The following MGAT4C variants were observed in gnomAD, a reference collection of about 807,000 sequenced individuals.
MGAT4C encodes the protein alpha-1,3-mannosyl-glycoprotein 4-beta-N-acetylglucosaminyltransferase C.
MGAT4C carries 19 observed loss-of-function variants against 40.1 expected under a neutral mutation model. That is an observed-to-expected ratio of 0.47 (90% CI 0.33 to 0.70). MGAT4C has a LOEUF of 0.70. Ranked by LOEUF, MGAT4C falls within the 30% of genes least tolerant of loss-of-function variation. MGAT4C has a pLI of 0.02. For synonymous variants in MGAT4C, 181 were observed against 187.1 expected, an observed-to-expected ratio of 0.97 and a Z score of 0.27; for missense variants, 491 against 563.2, an observed-to-expected ratio of 0.87 and a Z score of 1.30.
chr12:86,373,314 T>G (rs1955758106), intron 3 of MGAT4C, among the ~76,000 whole-genome samples: 1 of 151,980 alleles, frequency 6.6e-6, no homozygotes, highest in Non-Finnish European at 1.5e-5. Context: ...TTAACAAAAC[T>G]GATCCATCTT....
At chr12:86,311,225 T>C (rs1468204083) in intron 4 of MGAT4C, among the ~76,000 whole-genome samples, 1 of 152,210 alleles carries the variant, frequency 6.6e-6, no homozygotes, top group South Asian at 2.1e-4. Flanking sequence ...CTAGGCTATA[T>C]GGGATAGCCT....
intron 2 of MGAT4C, among the ~76,000 whole-genome samples, chr12:86,532,529 G>C (rs1959002592): frequency 6.6e-6 from 1 of 151,884 alleles, no homozygotes; most frequent in Non-Finnish European, 1.5e-5. Context: ...AGACAATGTT[G>C]GTGAGTTAAA....
intron 2 of MGAT4C, among the ~76,000 whole-genome samples, chr12:86,529,950 G>T (rs1565828824): frequency 6.6e-6 from 1 of 151,878 alleles, no homozygotes; most frequent in Non-Finnish European, 1.5e-5. Context: ...TACTTAAAAT[G>T]CCAAATAAAA....
At chr12:86,571,971 A>G (rs1168955841) in intron 2 of MGAT4C, among the ~76,000 whole-genome samples, 2 of 152,142 alleles carry the variant, frequency 1.3e-5, no homozygotes, top group Non-Finnish European at 2.9e-5. Flanking sequence ...TTTTACTTTT[A>G]TCAATAAAAT....
chr12:86,173,816 G>A lies in MGAT4C; in HGVS notation c.-57+82423C>T, dbSNP rs546005915. On this transcript the variant is annotated intron_variant, in intron 1 of 4. Coordinates refer to ENST00000611864, the MANE Select transcript of MGAT4C (RefSeq NM_001351288.2). ...TATATTTCTAATATGTGTCTTTTTCGCATTCATGACTTTACATTTCATTTT... is the reference window on the plus strand; with the variant it reads ...TATATTTCTAATATGTGTCTTTTTCACATTCATGACTTTACATTTCATTTT... 4.6e-5 allele frequency among the ~76,000 whole-genome samples: 7 copies of A among 151,902 alleles called. No individual in the cohort carries two copies. The South Asian group carries it at 6.2e-4, about 14-fold the overall frequency.
intron 1 of MGAT4C, among the ~76,000 whole-genome samples, chr12:86,733,657 T>A (rs1413193495): frequency 2.0e-5 from 3 of 152,116 alleles, no homozygotes; most frequent in African/African-American, 7.2e-5. Context: ...GAAGGCTGAT[T>A]CCCAGATGCC....
rs541463836 is a variant in MGAT4C at position 86,785,551 on chromosome 12, G to T, written c.-262+53115C>A. Among the ~76,000 whole-genome samples the T allele has an allele frequency of 1.1e-3, 160 of 151,842 alleles. 1 individual carries two copies. Among genetic ancestry groups the T allele is most frequent in the African/African-American group, 3.7e-3 (154 of 41,490 alleles). ...ACAAAGCACAATTTTCTGGAATATG[G>T]AACAAATTAAAACCTTTTTTATGTT... On this transcript the variant is annotated intron_variant, in intron 1 of 7. Transcript: ENST00000548651.
At chr12:86,280,318 T>G (rs1249461128) in intron 4 of MGAT4C, among the ~76,000 whole-genome samples, 1 of 151,964 alleles carries the variant, frequency 6.6e-6, no homozygotes, top group Non-Finnish European at 1.5e-5. Flanking sequence ...ATCTACGTTC[T>G]CCAGTGTTGG....
chr12:86,552,701 T>C (rs1438633353), intron 2 of MGAT4C, among the ~76,000 whole-genome samples: 1 of 151,996 alleles, frequency 6.6e-6, no homozygotes, highest in Non-Finnish European at 1.5e-5. Context: ...ATAAATAGAA[T>C]TAGGAAGGTA....
chr12:86,309,085 A>G (rs1349170572), intron 4 of MGAT4C, among the ~76,000 whole-genome samples: 1 of 150,716 alleles, frequency 6.6e-6, no homozygotes, highest in African/African-American at 2.5e-5. Flanking sequence ...TTCTCATTTT[A>G]TCAGTTGCTA....
intron 2 of MGAT4C, among the ~76,000 whole-genome samples, chr12:85,990,160 T>C (rs1475530131): frequency 6.6e-6 from 1 of 152,134 alleles, no homozygotes; most frequent in South Asian, 2.1e-4. Flanking sequence ...GTGAATCCTA[T>C]AGTATTATAT....
intron 1 of MGAT4C, among the ~76,000 whole-genome samples, chr12:86,795,503 T>A (rs535536281): frequency 1.7e-4 from 26 of 152,058 alleles, no homozygotes; most frequent in Non-Finnish European, 2.5e-4. Context: ...CATCAGGTTT[T>A]AAAATTCAGC....
chr12:86,174,813 T>C (rs142962248), intron 1 of MGAT4C, among the ~76,000 whole-genome samples: 526 of 152,298 alleles, frequency 3.5e-3, no homozygotes, highest in African/African-American at 0.012. Flanking sequence ...CATTATTTGG[T>C]ACTCACTCGT....
chr12:86,433,745 G>T (rs557736860), intron 3 of MGAT4C, among the ~76,000 whole-genome samples: 116 of 152,030 alleles, frequency 7.6e-4, no homozygotes, highest in African/African-American at 2.6e-3. Context: ...TTAAGCTCGT[G>T]CATTAAAGCA....
In MGAT4C at chr12:85,965,715, C is replaced by G. The variant is rs1883332173; in HGVS notation, c.*13574G>C. The G allele has an allele frequency of 6.7e-6, 1 of 149,424 alleles. No individual in the cohort carries two copies. Among genetic ancestry groups the G allele is most frequent in the South Asian group, 2.1e-4 (1 of 4,726 alleles). 9.3% of individuals were successfully genotyped at this position (149,424 alleles called of 1,614,324 possible). A position where few individuals can be genotyped will look rare whatever the true frequency, so the allele number is the denominator to read the frequency against. ...ATGAAGTGATCAATTGAATTTGAAA[C>G]AGAACTTTTCCTAGCTTCTAAATGA... On this transcript the variant is annotated 3_prime_UTR_variant, in exon 5 of 5. Coordinates refer to ENST00000611864, the MANE Select transcript of MGAT4C (RefSeq NM_001351288.2).
At chr12:86,686,536 T>C (rs925222539) in intron 2 of MGAT4C, among the ~76,000 whole-genome samples, 1 of 152,230 alleles carries the variant, frequency 6.6e-6, no homozygotes, top group Non-Finnish European at 1.5e-5. Flanking sequence ...TGAGTGTTTT[T>C]AGCATGAAGT....
chr12:86,242,839 A>G (rs1951847341), intron 1 of MGAT4C, among the ~76,000 whole-genome samples: 2 of 152,190 alleles, frequency 1.3e-5, no homozygotes, highest in Admixed American at 6.5e-5. Flanking sequence ...CCAGCTCCCT[A>G]TGGGCTCTAA....
intron 1 of MGAT4C, among the ~76,000 whole-genome samples, chr12:86,744,045 T>C (rs538418972): frequency 6.6e-6 from 1 of 151,676 alleles, no homozygotes; most frequent in South Asian, 2.1e-4. Flanking sequence ...CAGCAGGAGA[T>C]ATGAATATTA....
Position 86,804,087 on chromosome 12 carries a change from T to TA in MGAT4C, c.-262+34578dup, listed in dbSNP as rs553009663. ...TACACCATGGAATACTATGCAGCCATAAAAAATGATGAGTTCACGTCCTTT... is the reference window on the plus strand; with the variant it reads ...TACACCATGGAATACTATGCAGCCATAAAAAAATGATGAGTTCACGTCCTTT... On this transcript the variant is annotated intron_variant, in intron 1 of 7. Coordinates refer to the MGAT4C transcript ENST00000548651. Among the ~76,000 whole-genome samples, 5 of 149,752 alleles carry TA rather than the reference T, an allele frequency of 3.3e-5. No homozygotes were observed. In the South Asian group the frequency reaches 6.4e-4, roughly 19 times the overall value.
Sources: allele counts gnomAD v4.1 joint callset (sites outside exome capture counted in the v4.1 genomes callset), GRCh38; gene constraint gnomAD v4.1.1; transcripts MANE v1.5; gene names NCBI Gene and HGNC (gene_info 2026-07-23, HGNC 2026-07-21).